The following DACH2 variants were observed in gnomAD, a reference collection of about 807,000 sequenced individuals.
DACH2 encodes dachshund homolog 2.
In DACH2, 17 loss-of-function variants were observed where a neutral mutation model predicts 35.8. That is an observed-to-expected ratio of 0.48 (90% CI 0.33 to 0.71). The LOEUF (loss-of-function observed/expected upper bound fraction) is 0.71, where lower values mean the gene tolerates loss of function less well. Among genes scored for constraint, DACH2 ranks in the 30% least tolerant of loss-of-function variants. The pLI, the probability that DACH2 is intolerant of heterozygous loss-of-function variation, is 0.02. For missense variants in DACH2, 469 were observed against 472.7 expected (o/e 0.99, Z 0.07); for synonymous variants, 195 against 177.3 (o/e 1.10, Z -0.79).
Position 86,442,076 on chromosome X carries a change from C to T in DACH2, c.527+65214C>T, listed in dbSNP as rs978521085. Among the ~76,000 whole-genome samples, 3 of 109,763 alleles carry T rather than the reference C, an allele frequency of 2.7e-5. No individual in the cohort carries two copies. In the Admixed American group the frequency reaches 3.0e-4, roughly 11 times the overall value. Reference sequence around the variant, plus strand: ...GGAGATGGGAATTTGCTATGTTGCACAGGCTGGTCTCAAACTTTTGGCCTT... The same window carrying T: ...GGAGATGGGAATTTGCTATGTTGCATAGGCTGGTCTCAAACTTTTGGCCTT... On this transcript the variant is annotated intron_variant, in intron 2 of 11. Coordinates refer to ENST00000373125, the MANE Select transcript of DACH2 (RefSeq NM_053281.3).
chrX:86,378,171 C>A (rs2035995852), intron 2 of DACH2, among the ~76,000 whole-genome samples: 1 of 110,182 alleles, frequency 9.1e-6, no homozygotes, highest in African/African-American at 3.3e-5. Context: ...GTTCTTTCTT[C>A]ATTAAATATA....
At chrX:86,587,388 T>C (rs950764396) in intron 3 of DACH2, among the ~76,000 whole-genome samples, 1 of 111,606 alleles carries the variant, frequency 9.0e-6, no homozygotes, top group South Asian at 3.7e-4. Flanking sequence ...TCTCTTGTTA[T>C]TTGGATAACT....
intron 1 of DACH2, among the ~76,000 whole-genome samples, chrX:86,204,330 T>C (rs2032230622): frequency 8.9e-6 from 1 of 112,159 alleles, no homozygotes; most frequent in Admixed American, 9.5e-5. Flanking sequence ...TTTGTTCTTG[T>C]TGTTAAGAAA....
At chrX:86,281,461 T>C (rs2147984329) in intron 1 of DACH2, among the ~76,000 whole-genome samples, 1 of 111,710 alleles carries the variant, frequency 9.0e-6, no homozygotes, top group Non-Finnish European at 1.9e-5. Context: ...CCCGTCATGC[T>C]AAACACTCTC....
Position 86,650,072 on chromosome X carries a change from T to C in DACH2, c.641-964T>C, listed in dbSNP as rs985629310. 2.7e-5 allele frequency among the ~76,000 whole-genome samples: 3 copies of C among 110,851 alleles called. No individual in the cohort carries two copies. In the Admixed American group the frequency reaches 2.9e-4, roughly 11 times the overall value. ...ATCGTTGGAGTATGGATTGTTCTGG[T>C]ACTTTTAGTACTTGTTTCCTTATAT... On this transcript the variant is annotated intron_variant, in intron 3 of 11. Transcript: ENST00000373125.
intron 2 of DACH2, among the ~76,000 whole-genome samples, chrX:86,378,934 G>A (rs936065644): frequency 9.0e-6 from 1 of 110,897 alleles, no homozygotes; most frequent in African/African-American, 3.3e-5. Context: ...TCCTTCAAGT[G>A]ATTTGAAAAT....
At chrX:86,776,937 A>G (rs931102327) in intron 7 of DACH2, among the ~76,000 whole-genome samples, 9 of 111,986 alleles carry the variant, frequency 8.0e-5, no homozygotes, top group Non-Finnish European at 1.9e-5. Flanking sequence ...TTATGGCTGC[A>G]TAATATTCCA....
At chrX:86,429,024 A>T (rs2036939541) in intron 2 of DACH2, among the ~76,000 whole-genome samples, 1 of 110,513 alleles carries the variant, frequency 9.0e-6, no homozygotes, top group East Asian at 2.9e-4. Context: ...TATAGGCTCC[A>T]TTAATTCACG....
intron 1 of DACH2, among the ~76,000 whole-genome samples, chrX:86,325,513 A>G (rs905911108): frequency 2.9e-4 from 33 of 112,478 alleles, no homozygotes; most frequent in African/African-American, 1.1e-3. Flanking sequence ...TTGGTCATAT[A>G]AACAACAATT....
At chrX:86,216,338 C>G (rs1052417133) in intron 1 of DACH2, among the ~76,000 whole-genome samples, 1 of 110,919 alleles carries the variant, frequency 9.0e-6, no homozygotes, top group Non-Finnish European at 1.9e-5. Flanking sequence ...AGGTATTCCT[C>G]CTAATGCTAT....
chrX:86,489,397 A>G (rs1328297737), intron 2 of DACH2, among the ~76,000 whole-genome samples: 1 of 111,187 alleles, frequency 9.0e-6, no homozygotes, highest in Non-Finnish European at 1.9e-5. Context: ...TTCCTGAATT[A>G]TGATAAACAA....
rs1281532519 is a variant in DACH2 at position 86,797,020 on chromosome X, G to A, written c.1241-15836G>A. Among the ~76,000 whole-genome samples the A allele has an allele frequency of 4.5e-5, 5 of 111,136 alleles. No individual in the cohort carries two copies. The East Asian group carries it at 1.1e-3, about 25-fold the overall frequency. Reference sequence around the variant, plus strand: ...AACTATAACAATATACTGTGTAAACGTTATTTGAATGTGGTCTCTCTTTCT... The same window carrying A: ...AACTATAACAATATACTGTGTAAACATTATTTGAATGTGGTCTCTCTTTCT... On this transcript the variant is annotated intron_variant, in intron 7 of 11. Coordinates refer to ENST00000373125, the MANE Select transcript of DACH2 (RefSeq NM_053281.3).
intron 3 of DACH2, among the ~76,000 whole-genome samples, chrX:86,590,862 G>A (rs1382717618): frequency 1.8e-5 from 2 of 110,109 alleles, no homozygotes; most frequent in South Asian, 3.9e-4. Context: ...TGTGCACAAC[G>A]TGCAGGTTTG....
At chrX:86,660,557 T>C (rs1389404264) in intron 4 of DACH2, among the ~76,000 whole-genome samples, 1 of 112,022 alleles carries the variant, frequency 8.9e-6, no homozygotes, top group Non-Finnish European at 1.9e-5. Context: ...ATATCTATGT[T>C]AGTTGAGAGA....
At chrX:86,564,764 C>A (rs745346135) in intron 3 of DACH2, among the ~76,000 whole-genome samples, 1 of 111,609 alleles carries the variant, frequency 9.0e-6, no homozygotes, top group Admixed American at 9.5e-5. Flanking sequence ...ATTTAAACTG[C>A]ATTTAATTGT....
intron 4 of DACH2, among the ~76,000 whole-genome samples, chrX:86,678,446 G>C (rs1161907842): frequency 8.9e-6 from 1 of 112,183 alleles, no homozygotes; most frequent in Non-Finnish European, 1.9e-5. Flanking sequence ...AAGAATGTTT[G>C]AAAACATTTA....
At chrX:86,278,844 G>A (rs141774862) in intron 1 of DACH2, among the ~76,000 whole-genome samples, 82 of 111,567 alleles carry the variant, frequency 7.3e-4, no homozygotes, top group African/African-American at 2.4e-3. Context: ...TGGGATGCTC[G>A]AATTTGGTGG....
intron 3 of DACH2, among the ~76,000 whole-genome samples, chrX:86,577,477 A>G (rs1444683593): frequency 9.0e-6 from 1 of 111,671 alleles, no homozygotes; most frequent in African/African-American, 3.3e-5. Context: ...TTTTAAATAA[A>G]AGATATAAAA....
chrX:86,280,827 A>G (rs1309740686), intron 1 of DACH2, among the ~76,000 whole-genome samples: 2 of 111,864 alleles, frequency 1.8e-5, no homozygotes, highest in Non-Finnish European at 3.8e-5. Flanking sequence ...CAGACTTTAA[A>G]CCAACAAAGA....
Sources: allele counts gnomAD v4.1 joint callset (sites outside exome capture counted in the v4.1 genomes callset), GRCh38; gene constraint gnomAD v4.1.1; transcripts MANE v1.5; gene names NCBI Gene and HGNC (gene_info 2026-07-23, HGNC 2026-07-21).